CIRSR: variants seen among roughly 807,000 people sequenced by gnomAD.
CIRSR encodes the protein corepressor of RBPJ and splicing regulator.
the CIRSR span, chr2:174,358,204 A>G: frequency 6.6e-6 from 1 of 152,212 alleles, no homozygotes. Flanking sequence ...TGTTTATTAG[A>G]AACTTTGCCT....
At chr2:174,372,271 T>C in the CIRSR span, among the ~76,000 whole-genome samples, 1 of 152,220 alleles carries the variant, frequency 6.6e-6, no homozygotes, top group Non-Finnish European at 1.5e-5. Flanking sequence ...CCTTCACTAA[T>C]GGAATTACAG....
At chr2:174,378,692 G>A in the CIRSR span, 2,199 of 500,504 alleles carry the variant, frequency 4.4e-3, 36 homozygotes, top group African/African-American at 0.037. Context: ...TTAGTTCATA[G>A]GGCCTTTGGC....
chr2:174,385,084 G>A, the CIRSR span, among the ~76,000 whole-genome samples: 1 of 151,976 alleles, frequency 6.6e-6, no homozygotes, highest in African/African-American at 2.4e-5. Context: ...GTGTGGTGGT[G>A]TGTGCCTGTA....
At chr2:174,384,407 T>C in the CIRSR span, among the ~76,000 whole-genome samples, 1 of 152,198 alleles carries the variant, frequency 6.6e-6, no homozygotes, top group Non-Finnish European at 1.5e-5. Flanking sequence ...GTTTAATGGT[T>C]ACAAAGTTTC....
At chr2:174,379,001 G>T in the CIRSR span, 2 of 1,613,922 alleles carry the variant, frequency 1.2e-6, no homozygotes, top group South Asian at 2.2e-5. Context: ...GTGTTGACAT[G>T]ACCCCATTTG....
At chr2:174,364,557 C>T in the CIRSR span, among the ~76,000 whole-genome samples, 1 of 152,222 alleles carries the variant, frequency 6.6e-6, no homozygotes, top group Non-Finnish European at 1.5e-5. Flanking sequence ...CCATGAGGGC[C>T]CTGCCCCTGC....
chr2:174,369,515 T>C, the CIRSR span, among the ~76,000 whole-genome samples: 3 of 152,256 alleles, frequency 2.0e-5, no homozygotes, highest in Non-Finnish European at 4.4e-5. Context: ...AGTTAGCTAA[T>C]TGGTGTAGGA....
the CIRSR span, among the ~76,000 whole-genome samples, chr2:174,364,663 G>A: frequency 3.3e-5 from 5 of 152,174 alleles, no homozygotes; most frequent in African/African-American, 1.2e-4. Flanking sequence ...ACACTTACAG[G>A]CTCAACACCA....
chr2:174,365,897 A>G, the CIRSR span, among the ~76,000 whole-genome samples: 1 of 152,188 alleles, frequency 6.6e-6, no homozygotes, highest in Non-Finnish European at 1.5e-5. Context: ...AGACTTAGAT[A>G]TGGCAGAGAT....
At chr2:174,361,927 T>C in the CIRSR span, among the ~76,000 whole-genome samples, 2 of 152,228 alleles carry the variant, frequency 1.3e-5, no homozygotes, top group Non-Finnish European at 2.9e-5. Flanking sequence ...AATTTACTTT[T>C]ATTCAAATCA....
At chr2:174,386,835 A>C in the CIRSR span, among the ~76,000 whole-genome samples, 2 of 152,202 alleles carry the variant, frequency 1.3e-5, no homozygotes, top group Non-Finnish European at 2.9e-5. Context: ...GTATTTTTAA[A>C]AGCAGTGTAT....
the CIRSR span, among the ~76,000 whole-genome samples, chr2:174,390,115 C>T: frequency 6.6e-6 from 1 of 152,182 alleles, no homozygotes; most frequent in Non-Finnish European, 1.5e-5. Context: ...CCTCCAGACC[C>T]CAGTATAGTA....
At chr2:174,369,988 A>T in the CIRSR span, 1 of 1,365,340 alleles carries the variant, frequency 7.3e-7, no homozygotes, top group East Asian at 4.5e-5. Context: ...CAGGCTTACC[A>T]GAAACCTTCA....
chr2:174,386,699 C>T, the CIRSR span, among the ~76,000 whole-genome samples: 2 of 152,152 alleles, frequency 1.3e-5, no homozygotes, highest in South Asian at 2.1e-4. Context: ...GCGCAAAAAA[C>T]GGCGCTCAGT....
chr2:174,369,175 A>G, the CIRSR span, among the ~76,000 whole-genome samples: 166 of 152,322 alleles, frequency 1.1e-3, no homozygotes, highest in African/African-American at 3.4e-3. Flanking sequence ...TTTCTGGAGA[A>G]CTTGCTGCAG....
the CIRSR span, among the ~76,000 whole-genome samples, chr2:174,391,762 T>C: frequency 6.6e-6 from 1 of 152,174 alleles, no homozygotes; most frequent in Non-Finnish European, 1.5e-5. Flanking sequence ...CTTACATTCA[T>C]ACAATGGAAT....
At chr2:174,387,357 T>C in the CIRSR span, 1 of 181,812 alleles carries the variant, frequency 5.5e-6, no homozygotes, top group Non-Finnish European at 1.1e-5. Flanking sequence ...GTATGCTGGG[T>C]ATCTTTTGTG....
At chr2:174,383,719 C>CAA in the CIRSR span, among the ~76,000 whole-genome samples, 48 of 83,078 alleles carry the variant, frequency 5.8e-4, no homozygotes, top group Non-Finnish European at 8.0e-4. Flanking sequence ...GACTCCGTCT[C>CAA]AAAAAAAAAA....
chr2:174,381,635 C>G, the CIRSR span: 11 of 1,233,514 alleles, frequency 8.9e-6, no homozygotes, highest in Non-Finnish European at 1.2e-5. Flanking sequence ...CCAGCCTGGA[C>G]GACAGGGCAA....
Sources: gnomAD v4.1 joint callset for allele counts (sites outside exome capture counted in the v4.1 genomes callset) on GRCh38, gnomAD v4.1.1 for gene constraint, MANE v1.5 for transcripts, NCBI Gene and HGNC (gene_info 2026-07-23, HGNC 2026-07-21) for gene names.